Variants in PML observed in about 807,000 individuals in gnomAD.
PML encodes protein PML.
A neutral mutation model predicts 65.2 loss-of-function variants in PML; 28 were observed. The observed-to-expected ratio is 0.43, with a 90% CI of 0.32 to 0.59. The LOEUF is 0.59. Ranked by LOEUF, PML falls within the 20% of genes least tolerant of loss-of-function variation. The pLI, the probability that PML is intolerant of heterozygous loss-of-function variation, is 0.08. For synonymous variants in PML, 500 were observed against 508.8 expected, an observed-to-expected ratio of 0.98 and a Z score of 0.23; for missense variants, 1,021 against 1,203.4, an observed-to-expected ratio of 0.85 and a Z score of 2.24.
In PML at chr15:73,994,783, A is replaced by G; in HGVS notation, c.-30A>G. On this transcript the variant is annotated 5_prime_UTR_variant, in exon 1 of 9. Transcript: ENST00000268058. Reference sequence around the variant, plus strand: ...CTTCTCTTCACGCACTCCAAGATCTAAACCGAGAATCGAAACTAAGCTGGG... The same window carrying G: ...CTTCTCTTCACGCACTCCAAGATCTGAACCGAGAATCGAAACTAAGCTGGG... 1 of 1,550,810 alleles carries G rather than the reference A, an allele frequency of 6.4e-7. No homozygotes were observed. Among genetic ancestry groups the G allele is most frequent in the Non-Finnish European group, 8.7e-7 (1 of 1,146,888 alleles).
At chr15:74,036,200 A>G in intron 7 of PML, 1 of 1,587,524 alleles carries the variant, frequency 6.3e-7, no homozygotes, top group Non-Finnish European at 8.5e-7. Context: ...TCTTTGCCCA[A>G]GAAAGAAACT....
chr15:73,997,597 T>G (rs1471031472), intron 1 of PML, among the ~76,000 whole-genome samples: 4 of 152,232 alleles, frequency 2.6e-5, no homozygotes, highest in Non-Finnish European at 4.4e-5. Flanking sequence ...ATCTTTTGGT[T>G]ATATATCTAA....
intron 2 of PML, 31 bp downstream of exon 2, chr15:73,998,507 C>T: frequency 6.4e-7 from 1 of 1,569,964 alleles, no homozygotes; most frequent in Non-Finnish European, 8.8e-7. Flanking sequence ...TGGGGTGGTG[C>T]ATCCAAGTAC....
In PML at chr15:74,046,153, G is replaced by A; in HGVS notation, c.*1145G>A. The A allele has an allele frequency of 4.3e-6, 1 of 232,998 alleles. No individual in the cohort carries two copies. The highest frequency in any genetic ancestry group is 8.5e-6 in the Non-Finnish European group (1 of 117,852). The allele number at this position is 232,998 out of a possible 1,614,324, so 14.4% of individuals were successfully genotyped here. A position where few individuals can be genotyped will look rare whatever the true frequency, so the allele number is the denominator to read the frequency against. ...AGCGGCCATCTGGCTGTGCCATCCT[G>A]CATTTTTAGGAATGGAAAGCAGGCC... is the stretch of plus-strand genomic sequence containing the variant. On this transcript the variant is annotated 3_prime_UTR_variant, in exon 9 of 9. Transcript: ENST00000268058.
Position 74,044,803 on chromosome 15 carries a change from A to T in PML, c.2444A>T (p.Asp815Val). ...FMELLSAHRR[D>V]RQGGLKKYSR... ...GAGCTGCTGAGTGCACACCGCCGTGACCGGCAGGGGGGCCTGAAGAAGTAC... is the reference window on the plus strand; with the variant it reads ...GAGCTGCTGAGTGCACACCGCCGTGTCCGGCAGGGGGGCCTGAAGAAGTAC... The change falls in exon 9 of 9, where the codon GAC (aspartate) becomes GTC (valine). Residue 815 changes from aspartate to valine, a missense_variant. Physicochemically the swap from Asp to Val is radical, Grantham distance 152. Transcript: ENST00000268058. 6.2e-7 allele frequency: 1 copy of T among 1,613,210 alleles called. No homozygotes were observed. The highest frequency in any genetic ancestry group is 8.5e-7 in the Non-Finnish European group (1 of 1,180,028).
Position 74,045,428 on chromosome 15 carries a change from T to G in PML, c.*420T>G. On this transcript the variant is annotated 3_prime_UTR_variant, in exon 9 of 9. Transcript: ENST00000268058. ...CTGACAGCTCCCACACAGAACAGTC[T>G]GAGGTGATGCTGGCTACAGCCCTGG... 1 of 259,986 alleles carries G rather than the reference T, an allele frequency of 3.8e-6. No individual in the cohort carries two copies. Among genetic ancestry groups the G allele is most frequent in the Non-Finnish European group, 7.4e-6 (1 of 135,522 alleles). The allele number at this position is 259,986 out of a possible 1,614,324, so 16.1% of individuals were successfully genotyped here.
chr15:74,021,175 G>T (rs2141826553), intron 2 of PML, among the ~76,000 whole-genome samples: 1 of 152,292 alleles, frequency 6.6e-6, no homozygotes, highest in East Asian at 1.9e-4. Context: ...TTAAAATGGG[G>T]ATAATAATGG....
Position 74,037,705 on chromosome 15 carries a change from C to T in PML, c.1710+3175C>T, listed in dbSNP as rs963949330. On this transcript the variant is annotated intron_variant, in intron 7 of 8. Coordinates refer to ENST00000268058, the MANE Select transcript of PML (RefSeq NM_033238.3). This position sits in a 1 kb window ranked among gnomAD's most constrained non-coding sequence, Gnocchi z 4.2. The stretch of plus-strand genomic sequence containing the variant: ...TGGGCCCGGTCTTTCCTGGAAAGAT[C>T]GCCTGCTCGGATGCAGCTCTGGGCA... 6 of 985,240 alleles carry T rather than the reference C, an allele frequency of 6.1e-6. No homozygotes were observed. In the African/African-American group the frequency reaches 7.0e-5, roughly 11 times the overall value. 61.0% of individuals were successfully genotyped at this position (985,240 alleles called of 1,614,324 possible).
At chr15:74,006,353 T>G (rs1451872698) in intron 2 of PML, among the ~76,000 whole-genome samples, 1 of 129,946 alleles carries the variant, frequency 7.7e-6, no homozygotes, top group Non-Finnish European at 1.5e-5. Flanking sequence ...ATCACACCAC[T>G]GCACTCCAGC....
rs1336355740 is a variant in PML at position 74,035,673 on chromosome 15, G to C, written c.1710+1143G>C. 1 of 1,614,014 alleles carries C rather than the reference G, an allele frequency of 6.2e-7. No individual in the cohort carries two copies. Among genetic ancestry groups the C allele is most frequent in the East Asian group, 2.2e-5 (1 of 44,874 alleles). ...GCGATCCCGCAGCCGCTCCCTCCGG[G>C]GCTCCTCCCATTTATCCCAGTGGCT... On this transcript the variant is annotated intron_variant, in intron 7 of 8. Transcript: ENST00000268058. The surrounding 1 kb of genome is among the most constrained non-coding windows in gnomAD (Gnocchi z 4.1).
chr15:74,008,493 C>T (rs1488529716), intron 2 of PML, among the ~76,000 whole-genome samples: 1 of 151,748 alleles, frequency 6.6e-6, no homozygotes, highest in Non-Finnish European at 1.5e-5. Flanking sequence ...AATCCCAGCA[C>T]TTTGGGAGGC....
chr15:74,044,909 T>G lies in PML; in HGVS notation c.2550T>G (p.Phe850Leu), dbSNP rs764824094. The G allele has an allele frequency of 5.0e-6, 8 of 1,613,502 alleles. No individual in the cohort carries two copies. The South Asian group carries it at 6.6e-5, about 13-fold the overall frequency. Residue 850 changes from phenylalanine (F) to leucine (L), a missense_variant, in exon 9 of 9, where the codon TTT becomes TTG. Physicochemically the swap from Phe to Leu is conservative, Grantham distance 22. Transcript: ENST00000268058. The stretch of plus-strand genomic sequence containing the variant: ...ACCTGCAGGCTCTGGGCACCTACTT[T>G]GAAGGCCTGTTGGAGGGTCCGGCGC... ...AFNLQALGTY[F>L]EGLLEGPALA...
At chr15:74,007,834 C>T (rs763048273) in intron 2 of PML, among the ~76,000 whole-genome samples, 1 of 152,216 alleles carries the variant, frequency 6.6e-6, no homozygotes, top group African/African-American at 2.4e-5. Context: ...TCCTTGAGAT[C>T]ACAGCCTGGT....
At chr15:74,014,934 T>A (rs1360280670) in intron 2 of PML, among the ~76,000 whole-genome samples, 1 of 152,118 alleles carries the variant, frequency 6.6e-6, no homozygotes, top group Non-Finnish European at 1.5e-5. Context: ...AGGGGAACAC[T>A]GCCCACTATG....
rs767279397 is a variant in PML at position 73,998,013 on chromosome 15, G to T, written c.139G>T (p.Ala47Ser). The change falls in exon 2 of 9, where the codon GCT (alanine) becomes TCT (serine). Residue 47 changes from alanine (A) to serine (S), a missense_variant. Ala to Ser is a moderately conservative substitution (Grantham distance 99). Coordinates refer to ENST00000268058, the MANE Select transcript of PML (RefSeq NM_033238.3). ...PSPSPTERAPASEEEFQFLRC... is the reference protein window; with the variant it reads ...PSPSPTERAPSSEEEFQFLRC... ...CTCTCTGGTCCCCCAGCGAGCCCCC[G>T]CTTCGGAGGAGGAGTTCCAGTTTCT... 10 of 1,611,930 alleles carry T rather than the reference G, an allele frequency of 6.2e-6. No homozygotes were observed. The South Asian group carries it at 7.7e-5, about 12-fold the overall frequency.
chr15:74,014,161 C>T lies in PML; in HGVS notation c.603-8667C>T, dbSNP rs561007336. On this transcript the variant is annotated intron_variant, in intron 2 of 8. Coordinates refer to ENST00000268058, the MANE Select transcript of PML (RefSeq NM_033238.3). ...GAGAGCTGATTGGAGCTGGAGAGACCAGAGGCAGGGAGGCCTCTTAGGACA... is the reference window on the plus strand; with the variant it reads ...GAGAGCTGATTGGAGCTGGAGAGACTAGAGGCAGGGAGGCCTCTTAGGACA... 5.9e-5 allele frequency among the ~76,000 whole-genome samples: 9 copies of T among 152,250 alleles called. 1 individual carries two copies. The South Asian group carries it at 1.9e-3, about 32-fold the overall frequency.
intron 2 of PML, among the ~76,000 whole-genome samples, chr15:74,002,444 CTTTTT>C (rs71137368): frequency 9.5e-6 from 1 of 104,762 alleles, no homozygotes; most frequent in Non-Finnish European, 1.8e-5. Context: ...TCTTTCTTTT[CTTTTT>C]TTTTTTTTTT....
Position 74,043,501 on chromosome 15 carries a change from C to A in PML, c.1861+362C>A. On this transcript the variant is annotated intron_variant, in intron 8 of 8. Coordinates refer to ENST00000268058, the MANE Select transcript of PML (RefSeq NM_033238.3). This position sits in a 1 kb window ranked among gnomAD's most constrained non-coding sequence, Gnocchi z 4.3. ...CATCCAAGTAAGGCCTCTGGCTGTG[C>A]TACACGTTTCTGAGTAGAGGGCCAA... is the stretch of plus-strand genomic sequence containing the variant. 2 of 550,748 alleles carry A rather than the reference C, an allele frequency of 3.6e-6. No homozygotes were observed. Among genetic ancestry groups the A allele is most frequent in the Non-Finnish European group, 4.6e-6 (2 of 432,592 alleles). The allele number at this position is 550,748 out of a possible 1,614,324, so 34.1% of individuals were successfully genotyped here. A position where few individuals can be genotyped will look rare whatever the true frequency, so the allele number is the denominator to read the frequency against.
chr15:74,036,836 GCCGTGC>G (rs903385429), intron 7 of PML, among the ~76,000 whole-genome samples: 1 of 152,146 alleles, frequency 6.6e-6, no homozygotes, highest in Non-Finnish European at 1.5e-5. Flanking sequence ...CTGCCCCGTG[GCCGTGC>G]CCTGCACCTT....
Sources: gnomAD v4.1 joint callset for allele counts (sites outside exome capture counted in the v4.1 genomes callset) on GRCh38, gnomAD v4.1.1 for gene constraint, Gnocchi (gnomAD v3.1) non-coding constraint, MANE v1.5 for transcripts, NCBI Gene and HGNC (gene_info 2026-07-23, HGNC 2026-07-21) for gene names.